The following DENND5B variants were observed in gnomAD, a reference collection of about 807,000 sequenced individuals.
The protein encoded by DENND5B is DENN domain-containing protein 5B.
In DENND5B, 34 loss-of-function variants were observed where a neutral mutation model predicts 140.6. That is an observed-to-expected ratio of 0.24 (90% CI 0.18 to 0.32). The LOEUF (loss-of-function observed/expected upper bound fraction) is 0.32, where lower values mean the gene tolerates loss of function less well. DENND5B is among the 10% of genes least tolerant of loss of function. DENND5B has a pLI of 1.00. For synonymous variants in DENND5B, 551 were observed against 562.1 expected, an observed-to-expected ratio of 0.98 and a Z score of 0.28; for missense variants, 1,142 against 1,560.2, an observed-to-expected ratio of 0.73 and a Z score of 4.52.
At chr12:31,523,917 A>G (rs1405439639) in intron 1 of DENND5B, among the ~76,000 whole-genome samples, 2 of 151,546 alleles carry the variant, frequency 1.3e-5, no homozygotes, top group Non-Finnish European at 2.9e-5. Flanking sequence ...GATTAAGCTT[A>G]TTTTGTTCAT....
chr12:31,418,383 G>A (rs867684216), intron 11 of DENND5B, among the ~76,000 whole-genome samples: 2 of 149,306 alleles, frequency 1.3e-5, no homozygotes, highest in East Asian at 2.0e-4. Context: ...CGGGCTAAGC[G>A]ATCCTCCAAC....
rs531626494 is a variant in DENND5B, at chr12:31,414,541, CG to C, written c.2552+825del. Among the ~76,000 whole-genome samples the C allele has an allele frequency of 4.2e-3, 632 of 152,104 alleles. 5 individuals are homozygous for C. Among genetic ancestry groups the C allele is most frequent in the African/African-American group, 0.014 (576 of 41,514 alleles). ...AAAGAAGCTATAAAATAGTTTAGGA[CG>C]GGCACAATGGCTCACGTCTGTAATC... On this transcript the variant is annotated intron_variant, in intron 12 of 20. Coordinates refer to ENST00000389082, the MANE Select transcript of DENND5B (RefSeq NM_144973.4).
intron 2 of DENND5B, among the ~76,000 whole-genome samples, chr12:31,483,356 A>G (rs1047849468): frequency 2.0e-5 from 3 of 152,220 alleles, no homozygotes; most frequent in African/African-American, 7.2e-5. Context: ...AGGTGAGTGC[A>G]AAAGTAACTG....
At chr12:31,449,841 C>T (rs996698711) in intron 5 of DENND5B, among the ~76,000 whole-genome samples, 1 of 150,442 alleles carries the variant, frequency 6.6e-6, no homozygotes, top group Non-Finnish European at 1.5e-5. Context: ...TGCCATTCTT[C>T]TGCCTCAGCC....
chr12:31,514,966 AT>A (rs541274277), intron 1 of DENND5B, among the ~76,000 whole-genome samples: 2 of 151,620 alleles, frequency 1.3e-5, no homozygotes, highest in Non-Finnish European at 3.0e-5. Flanking sequence ...AAAAAAAAAA[AT>A]TTTTTTTTAA....
intron 1 of DENND5B, among the ~76,000 whole-genome samples, chr12:31,544,125 C>CT (rs1357492911): frequency 6.6e-6 from 1 of 152,172 alleles, no homozygotes; most frequent in Non-Finnish European, 1.5e-5. Flanking sequence ...GATTGTACCA[C>CT]TGCACTCCAG....
At chr12:31,424,811 CTTGGG>C in intron 9 of DENND5B, 124 bp from the exon 10 acceptor site, 1 of 1,276,752 alleles carries the variant, frequency 7.8e-7, no homozygotes, top group African/African-American at 1.5e-5. Context: ...TTGTAATCAC[CTTGGG>C]AAAAAAATCT....
intron 1 of DENND5B, among the ~76,000 whole-genome samples, chr12:31,543,981 T>C (rs375291019): frequency 1.3e-5 from 2 of 152,146 alleles, no homozygotes; most frequent in South Asian, 2.1e-4. Context: ...CTGGCCAACA[T>C]GGTGAAAACC....
intron 6 of DENND5B, chr12:31,444,232 T>C (rs1944174454): frequency 1.3e-5 from 2 of 152,188 alleles, no homozygotes; most frequent in Admixed American, 1.3e-4. Context: ...CCTTTATAAA[T>C]ATTTCATAGA....
chr12:31,466,389 C>T (rs1242274684), intron 3 of DENND5B, among the ~76,000 whole-genome samples: 1 of 151,078 alleles, frequency 6.6e-6, no homozygotes, highest in East Asian at 2.0e-4. Context: ...GAAGATTGAG[C>T]AAGACAGATT....
At chr12:31,551,599 A>G (rs2139248170) in intron 1 of DENND5B, among the ~76,000 whole-genome samples, 1 of 152,320 alleles carries the variant, frequency 6.6e-6, no homozygotes, top group East Asian at 1.9e-4. Flanking sequence ...AATTCTGTGA[A>G]GAAAGTCATT....
At chr12:31,464,714 C>T (rs1054085389) in intron 3 of DENND5B, among the ~76,000 whole-genome samples, 1 of 152,222 alleles carries the variant, frequency 6.6e-6, no homozygotes, top group African/African-American at 2.4e-5. Flanking sequence ...CTGTGCACCA[C>T]CACGCCTGGC....
chr12:31,516,732 C>T (rs1261468672), intron 1 of DENND5B, among the ~76,000 whole-genome samples: 1 of 152,066 alleles, frequency 6.6e-6, no homozygotes, highest in Non-Finnish European at 1.5e-5. Flanking sequence ...TCCTTTGTTT[C>T]TTGGGCTGCT....
At chr12:31,427,290 CTTCT>C (rs1053891107) in intron 8 of DENND5B, among the ~76,000 whole-genome samples, 14 of 152,052 alleles carry the variant, frequency 9.2e-5, no homozygotes, top group African/African-American at 3.1e-4. Context: ...TGCTCTCTCT[CTTCT>C]TTCTATGCTG....
intron 16 of DENND5B, among the ~76,000 whole-genome samples, chr12:31,398,628 T>C (rs1941615813): frequency 6.6e-6 from 1 of 152,098 alleles, no homozygotes; most frequent in Admixed American, 6.5e-5. Flanking sequence ...AGAAATTAAT[T>C]TGGGAGTTCA....
At chr12:31,393,938 C>T (rs1289046367) in intron 17 of DENND5B, among the ~76,000 whole-genome samples, 1 of 152,166 alleles carries the variant, frequency 6.6e-6, no homozygotes, top group Non-Finnish European at 1.5e-5. Flanking sequence ...GATCCGCCCA[C>T]CTCAGCCTCC....
intron 1 of DENND5B, among the ~76,000 whole-genome samples, chr12:31,581,693 CAA>C (rs139320385): frequency 1.1e-4 from 13 of 119,058 alleles, no homozygotes; most frequent in Admixed American, 8.9e-5. Flanking sequence ...AACTCTGTCT[CAA>C]AAAAAAAAAA....
intron 1 of DENND5B, among the ~76,000 whole-genome samples, chr12:31,583,397 T>C (rs1950276602): frequency 6.7e-6 from 1 of 150,214 alleles, no homozygotes; most frequent in Admixed American, 6.6e-5. Context: ...AGCACAGTGG[T>C]TGGGTGGGGT....
chr12:31,536,611 G>C (rs1025126462), intron 1 of DENND5B, among the ~76,000 whole-genome samples: 2 of 151,842 alleles, frequency 1.3e-5, no homozygotes, highest in Admixed American at 6.6e-5. Flanking sequence ...AAGAGTTACT[G>C]GTCTTCAGGA....
Sources: gnomAD v4.1 joint callset for allele counts (sites outside exome capture counted in the v4.1 genomes callset) on GRCh38, gnomAD v4.1.1 for gene constraint, MANE v1.5 for transcripts, NCBI Gene and HGNC (gene_info 2026-07-23, HGNC 2026-07-21) for gene names.